The following SH3KBP1 variants were observed in gnomAD, a reference collection of about 807,000 sequenced individuals.
SH3KBP1 encodes SH3 domain containing kinase binding protein 1, also known as SH3 domain-containing kinase-binding protein 1.
SH3KBP1 carries 8 observed loss-of-function variants against 50.1 expected under a neutral mutation model. The observed-to-expected ratio is 0.16, with a 90% CI of 0.09 to 0.29. The LOEUF is 0.29. Ranked by LOEUF, SH3KBP1 falls within the 10% of genes least tolerant of loss-of-function variation. The pLI, the probability that SH3KBP1 is intolerant of heterozygous loss-of-function variation, is 1.00. For missense variants in SH3KBP1, 377 were observed against 535.2 expected, an observed-to-expected ratio of 0.70 and a Z score of 2.92; for synonymous variants, 227 against 218.6, an observed-to-expected ratio of 1.04 and a Z score of -0.34.
chrX:19,758,664 A>G (rs1429736953), intron 2 of SH3KBP1, among the ~76,000 whole-genome samples: 12 of 111,741 alleles, frequency 1.1e-4, no homozygotes, highest in Non-Finnish European at 2.3e-4. Flanking sequence ...CAACACAGGA[A>G]CTGTTAAATC....
chrX:19,743,338 G>T (rs1053891808), intron 3 of SH3KBP1, among the ~76,000 whole-genome samples: 1 of 110,233 alleles, frequency 9.1e-6, no homozygotes, highest in Non-Finnish European at 1.9e-5. Flanking sequence ...AGCCTGGGGA[G>T]GTCGAGGCTG....
chrX:19,815,503 A>G (rs1252838025), intron 2 of SH3KBP1, among the ~76,000 whole-genome samples: 3 of 111,144 alleles, frequency 2.7e-5, no homozygotes, highest in East Asian at 2.8e-4. Context: ...CATTCCATAC[A>G]CTGATTTGTG....
intron 2 of SH3KBP1, among the ~76,000 whole-genome samples, chrX:19,750,064 AT>A (rs1206365254): frequency 6.6e-5 from 7 of 105,715 alleles, no homozygotes; most frequent in African/African-American, 1.0e-4. Flanking sequence ...CATCTCTCTC[AT>A]TTTTTTTTTC....
chrX:19,872,510 G>C (rs943915102), intron 1 of SH3KBP1, among the ~76,000 whole-genome samples: 1 of 109,961 alleles, frequency 9.1e-6, no homozygotes, highest in Non-Finnish European at 1.9e-5. Context: ...GGTAGCTCAC[G>C]CCTGTAATCC....
chrX:19,639,009 G>A (rs2061785857), intron 7 of SH3KBP1, among the ~76,000 whole-genome samples: 1 of 111,684 alleles, frequency 9.0e-6, no homozygotes, highest in Non-Finnish European at 1.9e-5. Flanking sequence ...GAGTGCTACT[G>A]GCATCTAGTG....
intron 2 of SH3KBP1, among the ~76,000 whole-genome samples, chrX:19,819,267 T>C (rs759979647): frequency 8.9e-6 from 1 of 112,110 alleles, no homozygotes; most frequent in South Asian, 3.7e-4. Context: ...GTTTTATTCC[T>C]ACTATGCTAA....
chrX:19,872,701 G>A (rs1010106622), intron 1 of SH3KBP1, among the ~76,000 whole-genome samples: 6 of 108,973 alleles, frequency 5.5e-5, no homozygotes, highest in East Asian at 2.9e-4. Flanking sequence ...GCGTGAACCC[G>A]GGAGGCGGAG....
At chrX:19,824,721 T>C (rs2067624231) in intron 2 of SH3KBP1, among the ~76,000 whole-genome samples, 1 of 111,961 alleles carries the variant, frequency 8.9e-6, no homozygotes, top group Admixed American at 9.5e-5. Flanking sequence ...GATTCCATTA[T>C]GCATAATCAC....
intron 8 of SH3KBP1, among the ~76,000 whole-genome samples, chrX:19,625,038 A>G (rs924754109): frequency 8.9e-6 from 1 of 112,087 alleles, no homozygotes; most frequent in South Asian, 3.7e-4. Context: ...AAGCTTCAGC[A>G]GTTCAGAGAG....
intron 8 of SH3KBP1, among the ~76,000 whole-genome samples, chrX:19,629,854 C>T (rs151184747): frequency 1.1e-3 from 121 of 112,431 alleles, no homozygotes; most frequent in African/African-American, 3.8e-3. Flanking sequence ...ATCTATGAAA[C>T]CAGAGAAATG....
chrX:19,572,181 T>C (rs2066030544), intron 12 of SH3KBP1, among the ~76,000 whole-genome samples: 1 of 108,190 alleles, frequency 9.2e-6, no homozygotes, highest in East Asian at 2.8e-4. Flanking sequence ...TTCTTTTATA[T>C]ATATAAAGTA....
chrX:19,853,877 G>A (rs984161096), intron 1 of SH3KBP1, among the ~76,000 whole-genome samples: 13 of 108,449 alleles, frequency 1.2e-4, no homozygotes, highest in African/African-American at 3.0e-4. Context: ...CAGAAGAATC[G>A]CTTGAATCCG....
chrX:19,726,069 T>C (rs1212949790), intron 3 of SH3KBP1, among the ~76,000 whole-genome samples: 1 of 111,661 alleles, frequency 9.0e-6, no homozygotes, highest in Non-Finnish European at 1.9e-5. Flanking sequence ...CCCAGGAAGA[T>C]GCCAAAGACA....
intron 16 of SH3KBP1, among the ~76,000 whole-genome samples, chrX:19,541,513 C>G (rs933691567): frequency 8.9e-6 from 1 of 112,314 alleles, no homozygotes; most frequent in Non-Finnish European, 1.9e-5. Flanking sequence ...ACTGCTTCAT[C>G]TGGCAGCTAA....
chrX:19,592,560 A>G (rs753889708), intron 10 of SH3KBP1, among the ~76,000 whole-genome samples: 3 of 111,385 alleles, frequency 2.7e-5, no homozygotes, highest in South Asian at 7.6e-4. Context: ...TCTGGATCCC[A>G]TTTTGTAGCC....
intron 8 of SH3KBP1, among the ~76,000 whole-genome samples, chrX:19,630,606 A>G (rs1279725565): frequency 8.9e-6 from 1 of 111,857 alleles, no homozygotes; most frequent in East Asian, 2.8e-4. Flanking sequence ...AAAAAGATGG[A>G]CGAGTTCTTG....
chrX:19,559,565 G>A (rs1430132429), intron 13 of SH3KBP1, among the ~76,000 whole-genome samples: 4 of 109,834 alleles, frequency 3.6e-5, no homozygotes, highest in South Asian at 4.0e-4. Context: ...TCCTGACCTC[G>A]TGATCCACCT....
intron 1 of SH3KBP1, among the ~76,000 whole-genome samples, chrX:19,874,070 T>A (rs1335015754): frequency 1.5e-3 from 94 of 64,805 alleles, no homozygotes; most frequent in African/African-American, 4.4e-3. Context: ...AAAAAAAAAA[T>A]ATATATATAT....
At position 19,569,134 on chromosome X, in the gene SH3KBP1, G is replaced by A. The variant is rs1414480876; in HGVS notation, c.1353C>T (p.Asp451=). 6.6e-6 allele frequency: 8 copies of A among 1,211,283 alleles called. No individual in the cohort carries two copies. Among genetic ancestry groups the A allele is most frequent in the Non-Finnish European group, 7.8e-6 (7 of 894,733 alleles). The stretch of plus-strand genomic sequence containing the variant: ...CATTGCTGCGGTCCGAGAGATCTTT[G>A]TCCAGGATGCCAGATAGCGAACTGC... The part of the protein sequence containing the change: ...LAGSSLSGIL[D]KDLSDRSNDI... Residue 451 remains aspartate, a synonymous_variant, in exon 13 of 18, where the codon GAC becomes GAT. Coordinates refer to ENST00000397821, the MANE Select transcript of SH3KBP1 (RefSeq NM_031892.3).
Sources: gnomAD v4.1 joint callset for allele counts (sites outside exome capture counted in the v4.1 genomes callset) on GRCh38, gnomAD v4.1.1 for gene constraint, MANE v1.5 for transcripts, NCBI Gene and HGNC (gene_info 2026-07-23, HGNC 2026-07-21) for gene names.